Variants in RARB observed in about 807,000 individuals in gnomAD.
The protein encoded by RARB is HBV-activated protein.
RARB carries 17 observed loss-of-function variants against 51.9 expected under a neutral mutation model. That is an observed-to-expected ratio of 0.33 (90% CI 0.22 to 0.49). RARB has a LOEUF of 0.49. Ranked by LOEUF, RARB falls within the 20% of genes least tolerant of loss-of-function variation. The pLI is 0.99. For missense variants in RARB, 369 were observed against 550.8 expected (o/e 0.67, Z 3.30); for synonymous variants, 215 against 195.4 (o/e 1.10, Z -0.84).
chr3:25,371,835 A>G (rs887401942), intron 5 of RARB, among the ~76,000 whole-genome samples: 5 of 152,246 alleles, frequency 3.3e-5, no homozygotes, highest in Admixed American at 6.5e-5. Context: ...ACCAGAAAAT[A>G]GAGTCATAAA....
intron 2 of RARB, among the ~76,000 whole-genome samples, chr3:24,989,347 T>C (rs937437462): frequency 6.6e-6 from 1 of 152,154 alleles, no homozygotes; most frequent in Non-Finnish European, 1.5e-5. Flanking sequence ...GGTGCTGGAG[T>C]CTTTCTCAGG....
chr3:25,216,862 A>G (rs1207419591), intron 5 of RARB, among the ~76,000 whole-genome samples: 1 of 152,036 alleles, frequency 6.6e-6, no homozygotes, highest in African/African-American at 2.4e-5. Flanking sequence ...AAGAAATCAG[A>G]TCATCTCTTG....
At chr3:25,033,171 A>G (rs1697910290) in intron 2 of RARB, among the ~76,000 whole-genome samples, 1 of 152,192 alleles carries the variant, frequency 6.6e-6, no homozygotes, top group African/African-American at 2.4e-5. Flanking sequence ...TCCTTTATTC[A>G]GTTAATATTT....
At chr3:25,269,356 AC>A (rs1001301582) in intron 5 of RARB, among the ~76,000 whole-genome samples, 6 of 152,206 alleles carry the variant, frequency 3.9e-5, no homozygotes, top group African/African-American at 1.4e-4. Flanking sequence ...ATCATTCAGC[AC>A]CATCCATCAT....
intron 2 of RARB, among the ~76,000 whole-genome samples, chr3:24,957,807 G>C (rs1163827373): frequency 6.6e-6 from 1 of 152,124 alleles, no homozygotes; most frequent in East Asian, 1.9e-4. Flanking sequence ...CGTTAGAAAA[G>C]AGTGGGTAGG....
In RARB at chr3:25,355,344, G is replaced by C. The variant is rs528272162; in HGVS notation, c.179-105849G>C. ...ATCTTTTCCATCCATCTCTTCTAAG[G>C]GCAGGGTTTTCCTTGGCTGATCTCC... On this transcript the variant is annotated intron_variant, in intron 5 of 11. Transcript: ENST00000383772. 2.4e-4 allele frequency among the ~76,000 whole-genome samples: 37 copies of C among 152,092 alleles called. 1 individual carries two copies. Among genetic ancestry groups the C allele is most frequent in the African/African-American group, 8.4e-4 (35 of 41,506 alleles).
At chr3:24,854,502 A>G (rs1338282861) in intron 1 of RARB, among the ~76,000 whole-genome samples, 1 of 152,206 alleles carries the variant, frequency 6.6e-6, no homozygotes, top group Admixed American at 6.5e-5. Flanking sequence ...GCCCTGGACC[A>G]ATAGCATTTC....
rs374834357 is a variant in RARB, at chr3:25,317,727, T to C, written c.178+143152T>C. On this transcript the variant is annotated intron_variant, in intron 5 of 11. Transcript: ENST00000383772. ...ATCTAAAAGAGATCATTCGAGAAAA[T>C]AATTTTCATTAATTGATAAGAATTT... is the stretch of plus-strand genomic sequence containing the variant. Among the ~76,000 whole-genome samples the C allele has an allele frequency of 3.9e-5, 6 of 152,272 alleles. No individual in the cohort carries two copies. In the East Asian group the frequency reaches 1.2e-3, roughly 29 times the overall value.
Position 25,596,478 on chromosome 3 carries a change from T to G in RARB, c.1209T>G (p.Ile403Met). 1 of 1,613,684 alleles carries G rather than the reference T, an allele frequency of 6.2e-7. No homozygotes were observed. Among genetic ancestry groups the G allele is most frequent in the Non-Finnish European group, 8.5e-7 (1 of 1,179,642 alleles). Residue 403 changes from isoleucine (I) to methionine (M), a missense_variant, in exon 8 of 8, where the codon ATT becomes ATG. By Grantham distance (10) the Ile-to-Met change is conservative. This residue lies in a region of RARB where 76 missense variants were observed against 153.3 expected (regional missense o/e 0.50). Coordinates refer to ENST00000330688, the MANE Select transcript of RARB (RefSeq NM_000965.5). ...TTCCTGGATCAATGCCACCTCTCATTCAAGAAATGCTGGAGAATTCTGAAG... is the reference window on the plus strand; with the variant it reads ...TTCCTGGATCAATGCCACCTCTCATGCAAGAAATGCTGGAGAATTCTGAAG... ...MEIPGSMPPL[I>M]QEMLENSEGH...
intron 5 of RARB, among the ~76,000 whole-genome samples, chr3:25,201,890 C>A (rs1471077746): frequency 1.7e-5 from 2 of 120,244 alleles, no homozygotes; most frequent in African/African-American, 3.5e-5. Flanking sequence ...GTCTACAATT[C>A]TCTTTTTTTG....
At chr3:25,309,783 C>T (rs1704245863) in intron 5 of RARB, among the ~76,000 whole-genome samples, 1 of 152,156 alleles carries the variant, frequency 6.6e-6, no homozygotes, top group South Asian at 2.1e-4. Flanking sequence ...GGATGAGCCA[C>T]CGTGCCCAGC....
chr3:25,438,900 T>C (rs529961074), intron 1 of RARB, among the ~76,000 whole-genome samples: 2 of 152,346 alleles, frequency 1.3e-5, no homozygotes, highest in Middle Eastern at 3.4e-3. Context: ...GTCTTTTACA[T>C]TGTGGAGGAA....
chr3:24,994,523 C>T (rs1343916120), intron 2 of RARB, among the ~76,000 whole-genome samples: 4 of 151,806 alleles, frequency 2.6e-5, no homozygotes, highest in Non-Finnish European at 4.4e-5. Context: ...TTTATTTTTG[C>T]TTTTTGTTGT....
chr3:25,054,570 G>T (rs555324064), intron 2 of RARB, among the ~76,000 whole-genome samples: 1 of 152,278 alleles, frequency 6.6e-6, no homozygotes, highest in South Asian at 2.1e-4. Flanking sequence ...AAGTCAGAAA[G>T]GCTGACTCTC....
chr3:25,147,023 T>C (rs536751074), intron 4 of RARB, among the ~76,000 whole-genome samples: 29 of 152,278 alleles, frequency 1.9e-4, no homozygotes, highest in African/African-American at 6.7e-4. Context: ...GATGGGGCTC[T>C]AGTCATGGGT....
chr3:25,560,785 A>G (rs1700238282), intron 3 of RARB, among the ~76,000 whole-genome samples: 1 of 152,114 alleles, frequency 6.6e-6, no homozygotes, highest in Non-Finnish European at 1.5e-5. Context: ...GCTTTTGTGT[A>G]TATTAAATCC....
chr3:24,855,320 C>T (rs1053979338), intron 1 of RARB, among the ~76,000 whole-genome samples: 1 of 152,140 alleles, frequency 6.6e-6, no homozygotes, highest in Non-Finnish European at 1.5e-5. Flanking sequence ...AAGTGTATGT[C>T]TGGTGGGTTC....
intron 5 of RARB, among the ~76,000 whole-genome samples, chr3:25,590,052 C>T (rs554680309): frequency 3.9e-5 from 6 of 152,204 alleles, no homozygotes; most frequent in South Asian, 4.1e-4. Context: ...GGGGCCGGGG[C>T]AGGGAAGGGA....
chr3:25,185,011 C>G (rs1700944741), intron 5 of RARB, among the ~76,000 whole-genome samples: 1 of 152,226 alleles, frequency 6.6e-6, no homozygotes, highest in African/African-American at 2.4e-5. Context: ...ACAGGACAAT[C>G]ATTCCATTAA....
Sources: allele counts gnomAD v4.1 joint callset (sites outside exome capture counted in the v4.1 genomes callset), GRCh38; gene constraint gnomAD v4.1.1; regional missense constraint gnomAD v4.1.1; transcripts MANE v1.5; gene names NCBI Gene and HGNC (gene_info 2026-07-23, HGNC 2026-07-21).